The following AVL9 variants were observed in gnomAD, a reference collection of about 807,000 sequenced individuals.
AVL9 encodes late secretory pathway protein AVL9 homolog.
In AVL9, 49 loss-of-function variants were observed where a neutral mutation model predicts 79.2. The ratio of observed to expected loss-of-function variants is 0.62; its 90% CI spans 0.49 to 0.79. The LOEUF is 0.79. Ranked by LOEUF, AVL9 falls within the 30% of genes least tolerant of loss-of-function variation. The pLI is 0.00. For missense variants in AVL9, 682 were observed against 776.8 expected, an observed-to-expected ratio of 0.88 and a Z score of 1.45; for synonymous variants, 299 against 280.6, an observed-to-expected ratio of 1.07 and a Z score of -0.65.
At chr7:32,515,920 CT>C (rs2128120792) in intron 1 of AVL9, among the ~76,000 whole-genome samples, 1 of 152,146 alleles carries the variant, frequency 6.6e-6, no homozygotes, top group East Asian at 1.9e-4. Flanking sequence ...TGCTTCCTGT[CT>C]TTAAAAAAAA....
intron 12 of AVL9, 65 bp downstream of exon 12, chr7:32,573,483 T>C: frequency 6.9e-7 from 1 of 1,443,372 alleles, no homozygotes. Flanking sequence ...GTAACATTTA[T>C]GAGATTTTGG....
chr7:32,577,327 AT>A (rs1319828807), intron 13 of AVL9, among the ~76,000 whole-genome samples: 1 of 152,220 alleles, frequency 6.6e-6, no homozygotes, highest in Non-Finnish European at 1.5e-5. Context: ...TTCAACACCA[AT>A]TTTGGTGAAT....
At chr7:32,536,299 TGTG>T (rs1217697102) in intron 1 of AVL9, 11 of 152,216 alleles carry the variant, frequency 7.2e-5, no homozygotes, top group Admixed American at 7.2e-4. Context: ...TCATCACTTC[TGTG>T]GTGCTGGTTA....
intron 12 of AVL9, among the ~76,000 whole-genome samples, chr7:32,574,702 A>G (rs1348131422): frequency 2.0e-5 from 3 of 152,234 alleles, no homozygotes; most frequent in South Asian, 4.1e-4. Context: ...TACAGAAGAG[A>G]AAATGAAGCT....
chr7:32,562,980 G>A (rs1790392651), intron 10 of AVL9, among the ~76,000 whole-genome samples: 1 of 152,078 alleles, frequency 6.6e-6, no homozygotes. Context: ...ACATAGATTG[G>A]CATAGTATTT....
chr7:32,495,730 C>T lies in AVL9; in HGVS notation c.21C>T (p.Gly7=). ...CGCCCATGGAGAAGGCCAGGAGAGG[C>T]GGGGATGGCGTCCCCCGGGGGCCCG... MEKARR[G]GDGVPRGPVL... The change falls in exon 1 of 16, where the codon GGC becomes GGT. Residue 7 remains glycine, a synonymous_variant. Coordinates refer to ENST00000318709, the MANE Select transcript of AVL9 (RefSeq NM_015060.3). 2 of 1,261,344 alleles carry T rather than the reference C, an allele frequency of 1.6e-6. No individual in the cohort carries two copies. The highest frequency in any genetic ancestry group is 1.0e-6 in the Non-Finnish European group (1 of 993,042). The allele number at this position is 1,261,344 out of a possible 1,614,324, so 78.1% of individuals were successfully genotyped here. A position where few individuals can be genotyped will look rare whatever the true frequency, so the allele number is the denominator to read the frequency against.
intron 1 of AVL9, chr7:32,532,681 T>G (rs993342380): frequency 1.3e-5 from 2 of 152,232 alleles, no homozygotes; most frequent in Non-Finnish European, 2.9e-5. Flanking sequence ...GATAACAGCC[T>G]TTATTCACTT....
chr7:32,540,506 A>G (rs576844443), intron 1 of AVL9, among the ~76,000 whole-genome samples: 2 of 152,280 alleles, frequency 1.3e-5, no homozygotes, highest in South Asian at 2.1e-4. Context: ...CAGTTGCCTT[A>G]TTTTGGTCAT....
Position 32,495,730 on chromosome 7 carries a change from C to G in AVL9, c.21C>G (p.Gly7=). The part of the protein sequence containing the change: MEKARR[G]GDGVPRGPVL... ...CGCCCATGGAGAAGGCCAGGAGAGG[C>G]GGGGATGGCGTCCCCCGGGGGCCCG... Residue 7 remains glycine (G), a synonymous_variant, in exon 1 of 16, where the codon GGC becomes GGG. Transcript: ENST00000318709. 7.9e-7 allele frequency: 1 copy of G among 1,261,346 alleles called. No homozygotes were observed. The highest frequency in any genetic ancestry group is 2.2e-4 in the Middle Eastern group (1 of 4,624). The allele number at this position is 1,261,346 out of a possible 1,614,324, so 78.1% of individuals were successfully genotyped here.
At chr7:32,510,752 A>G (rs1583492531) in intron 1 of AVL9, among the ~76,000 whole-genome samples, 5 of 83,512 alleles carry the variant, frequency 6.0e-5, no homozygotes, top group East Asian at 4.2e-4. Flanking sequence ...TCCCCAGGGT[A>G]AGATTTGTGA....
At chr7:32,503,873 G>T (rs1236390423) in intron 1 of AVL9, among the ~76,000 whole-genome samples, 1 of 152,040 alleles carries the variant, frequency 6.6e-6, no homozygotes, top group Non-Finnish European at 1.5e-5. Flanking sequence ...AGTAGAGTCA[G>T]GGTTTCACCC....
At chr7:32,579,312 T>A (rs1373037969) in intron 13 of AVL9, among the ~76,000 whole-genome samples, 2 of 59,736 alleles carry the variant, frequency 3.3e-5, no homozygotes, top group South Asian at 6.6e-4. Context: ...TATTATATAT[T>A]ATATATATTT....
At chr7:32,567,720 T>A (rs1790646955) in intron 10 of AVL9, among the ~76,000 whole-genome samples, 1 of 151,678 alleles carries the variant, frequency 6.6e-6, no homozygotes, top group Non-Finnish European at 1.5e-5. Flanking sequence ...ATTTATTTAT[T>A]TATTTATTTT....
intron 12 of AVL9, among the ~76,000 whole-genome samples, chr7:32,575,314 G>C (rs1332392440): frequency 6.6e-6 from 1 of 152,110 alleles, no homozygotes; most frequent in African/African-American, 2.4e-5. Flanking sequence ...GGCCAGGCTG[G>C]TCTCGAACTC....
chr7:32,503,319 G>GATATATATATATATATATAT (rs371363185), intron 1 of AVL9, among the ~76,000 whole-genome samples: 2 of 120,678 alleles, frequency 1.7e-5, no homozygotes, highest in Non-Finnish European at 3.4e-5. Flanking sequence ...TCTACTAAAA[G>GATATATATATATATATATAT]ATATATATAT....
intron 4 of AVL9, 37 bp downstream of exon 4, chr7:32,548,955 T>G: frequency 7.4e-7 from 1 of 1,359,812 alleles, no homozygotes; most frequent in Non-Finnish European, 1.0e-6. Flanking sequence ...ATGTTAAACC[T>G]TCATGGCAGA....
At chr7:32,509,087 G>T (rs1471316957) in intron 1 of AVL9, among the ~76,000 whole-genome samples, 1 of 152,184 alleles carries the variant, frequency 6.6e-6, no homozygotes, top group Non-Finnish European at 1.5e-5. Flanking sequence ...TCTCATCTGG[G>T]TAGGATCTGG....
intron 10 of AVL9, among the ~76,000 whole-genome samples, chr7:32,569,677 T>C (rs985152331): frequency 5.9e-5 from 9 of 152,260 alleles, no homozygotes; most frequent in African/African-American, 2.2e-4. Flanking sequence ...ACTAACAGGC[T>C]TAATGCTTCA....
chr7:32,510,644 A>G (rs59003090), intron 1 of AVL9, among the ~76,000 whole-genome samples: 134 of 90,610 alleles, frequency 1.5e-3, no homozygotes, highest in Middle Eastern at 0.011. Flanking sequence ...TATGAGGGAA[A>G]CCATCTCCCC....
Sources: gnomAD v4.1 joint callset for allele counts (sites outside exome capture counted in the v4.1 genomes callset) on GRCh38, gnomAD v4.1.1 for gene constraint, MANE v1.5 for transcripts, NCBI Gene and HGNC (gene_info 2026-07-23, HGNC 2026-07-21) for gene names.